Variants in ATCAY observed in about 807,000 individuals in gnomAD.
ATCAY encodes the protein caytaxin.
A neutral mutation model predicts 47.7 loss-of-function variants in ATCAY; 22 were observed. That is an observed-to-expected ratio of 0.46 (90% CI 0.33 to 0.66). The LOEUF (loss-of-function observed/expected upper bound fraction) is 0.66, where lower values mean the gene tolerates loss of function less well. Among genes scored for constraint, ATCAY ranks in the 30% least tolerant of loss-of-function variants. ATCAY has a pLI of 0.02. For missense variants in ATCAY, 452 were observed against 515.0 expected (o/e 0.88, Z 1.18); for synonymous variants, 216 against 207.6 (o/e 1.04, Z -0.35).
intron 2 of ATCAY, among the ~76,000 whole-genome samples, chr19:3,892,635 G>C (rs889419883): frequency 5.3e-5 from 8 of 152,092 alleles, no homozygotes; most frequent in Non-Finnish European, 7.3e-5. Context: ...GGCTGGGTGC[G>C]GTGACTCACA....
At chr19:3,914,385 G>C (rs1405768830) in intron 9 of ATCAY, among the ~76,000 whole-genome samples, 1 of 151,890 alleles carries the variant, frequency 6.6e-6, no homozygotes, top group Non-Finnish European at 1.5e-5. Flanking sequence ...AAAACCATCA[G>C]ATCTCATGAG....
intron 1 of ATCAY, among the ~76,000 whole-genome samples, chr19:3,885,118 A>T (rs2145218620): frequency 1.3e-5 from 2 of 148,244 alleles, no homozygotes; most frequent in East Asian, 4.0e-4. Context: ...TTAAAAAAAA[A>T]AAAAAAAAAA....
intron 2 of ATCAY, among the ~76,000 whole-genome samples, chr19:3,892,784 T>A (rs2038729685): frequency 6.6e-6 from 1 of 152,054 alleles, no homozygotes; most frequent in Non-Finnish European, 1.5e-5. Context: ...GGCGGGCACC[T>A]GTAATCCCAG....
At chr19:3,906,634 T>C (rs959110941) in intron 4 of ATCAY, among the ~76,000 whole-genome samples, 1 of 151,978 alleles carries the variant, frequency 6.6e-6, no homozygotes. Flanking sequence ...ATTTTTCTTG[T>C]GGGCTTGTGA....
At chr19:3,903,650 A>C (rs1248548260) in intron 3 of ATCAY, among the ~76,000 whole-genome samples, 1 of 151,764 alleles carries the variant, frequency 6.6e-6, no homozygotes, top group African/African-American at 2.4e-5. Context: ...CAGCCTCCTG[A>C]GTAGCTGGGA....
intron 7 of ATCAY, 125 bp from the exon 8 acceptor site, chr19:3,910,678 G>A (rs2038915231): frequency 3.3e-6 from 3 of 920,980 alleles, no homozygotes; most frequent in Non-Finnish European, 5.2e-6. Context: ...ACAGGTACCT[G>A]GAGACCACAC....
chr19:3,913,500 C>T (rs1341241182), intron 8 of ATCAY, among the ~76,000 whole-genome samples: 1 of 152,180 alleles, frequency 6.6e-6, no homozygotes, highest in Non-Finnish European at 1.5e-5. Context: ...CCAACAAGAT[C>T]CTCATTGCAG....
At chr19:3,884,528 T>C (rs2145217916) in intron 1 of ATCAY, among the ~76,000 whole-genome samples, 1 of 152,244 alleles carries the variant, frequency 6.6e-6, no homozygotes, top group Admixed American at 6.5e-5. Context: ...AGCTGAAGTA[T>C]ATCAGCCATT....
chr19:3,885,109 TAA>T (rs34258948), intron 1 of ATCAY, among the ~76,000 whole-genome samples: 838 of 70,316 alleles, frequency 0.012, 13 homozygotes, highest in East Asian at 0.056. Flanking sequence ...TTTTTTTTTT[TAA>T]AAAAAAAAAA....
intron 2 of ATCAY, among the ~76,000 whole-genome samples, chr19:3,894,913 T>G (rs1468710374): frequency 3.0e-5 from 4 of 134,648 alleles, no homozygotes; most frequent in African/African-American, 1.1e-4. Flanking sequence ...TTCACTACTG[T>G]GCTCTAGGCT....
chr19:3,905,310 A>G (rs1264840535), intron 3 of ATCAY, 124 bp from the exon 4 acceptor site: 9 of 961,664 alleles, frequency 9.4e-6, no homozygotes, highest in Non-Finnish European at 1.4e-5. Context: ...GCATGGATAC[A>G]GAAGGGAGCC....
chr19:3,887,041 G>A (rs536925859), intron 2 of ATCAY, among the ~76,000 whole-genome samples: 3 of 152,206 alleles, frequency 2.0e-5, no homozygotes, highest in East Asian at 3.9e-4. Flanking sequence ...ACCACACGGA[G>A]CGCCACAAGA....
intron 2 of ATCAY, among the ~76,000 whole-genome samples, chr19:3,892,346 G>A (rs990254504): frequency 6.6e-6 from 1 of 151,964 alleles, no homozygotes; most frequent in Non-Finnish European, 1.5e-5. Flanking sequence ...GGGACCACAG[G>A]CATATGCCAC....
At chr19:3,908,501 C>T (rs2038886524) in intron 6 of ATCAY, 131 bp downstream of exon 6, 2 of 844,000 alleles carry the variant, frequency 2.4e-6, no homozygotes, top group African/African-American at 3.4e-5. Context: ...GCGTGGTGGC[C>T]ACAGACCTTG....
rs1168947899 is a variant in ATCAY, at chr19:3,918,827, T to C, written c.1023T>C (p.Phe341=). Residue 341 remains phenylalanine (F), a synonymous_variant, in exon 11 of 13, where the codon TTT becomes TTC. Coordinates refer to ENST00000450849, the MANE Select transcript of ATCAY (RefSeq NM_033064.5). ...ACAGCGCGAGGCCCCAGCCGGAGTTTGTGCTGCCCAGGTCTGAAGAGAAGC... is the reference window on the plus strand; with the variant it reads ...ACAGCGCGAGGCCCCAGCCGGAGTTCGTGCTGCCCAGGTCTGAAGAGAAGC... ...RRESARPQPE[F]VLPRSEEKPE... is the part of the protein sequence containing the mutation. 13 of 1,613,866 alleles carry C rather than the reference T, an allele frequency of 8.1e-6. No individual in the cohort carries two copies. The highest frequency in any genetic ancestry group is 1.3e-5 in the African/African-American group (1 of 74,942).
At chr19:3,917,826 C>A in intron 10 of ATCAY, 49 bp downstream of exon 10, 1 of 1,590,610 alleles carries the variant, frequency 6.3e-7, no homozygotes, top group Non-Finnish European at 8.6e-7. Context: ...CAGCGGGGGG[C>A]TGAGCTGAAC....
intron 6 of ATCAY, 61 bp downstream of exon 6, chr19:3,908,431 G>A (rs1224634621): frequency 2.5e-5 from 35 of 1,415,576 alleles, no homozygotes; most frequent in Non-Finnish European, 3.4e-5. Context: ...TGGCCACAGG[G>A]GCACCAGGCT....
At chr19:3,895,039 AT>A in intron 2 of ATCAY, 2 of 392,464 alleles carry the variant, frequency 5.1e-6, no homozygotes, top group Non-Finnish European at 1.0e-5. Flanking sequence ...CCTCTCCTTT[AT>A]TTCATTCATT....
At chr19:3,908,703 C>T (rs1182476908) in intron 6 of ATCAY, among the ~76,000 whole-genome samples, 1 of 116,456 alleles carries the variant, frequency 8.6e-6, no homozygotes, top group Non-Finnish European at 1.8e-5. Flanking sequence ...CCCCCCTCCT[C>T]CTCCCTTTTC....
Sources: gnomAD v4.1 joint callset for allele counts (sites outside exome capture counted in the v4.1 genomes callset) on GRCh38, gnomAD v4.1.1 for gene constraint, MANE v1.5 for transcripts, NCBI Gene and HGNC (gene_info 2026-07-23, HGNC 2026-07-21) for gene names.